The following NXPH1 variants were observed in gnomAD, a reference collection of about 807,000 sequenced individuals.
NXPH1 encodes the protein neurexophilin-1.
NXPH1 carries 5 observed loss-of-function variants against 23.7 expected under a neutral mutation model. The observed-to-expected ratio is 0.21, with a 90% confidence interval of 0.11 to 0.44. The LOEUF (loss-of-function observed/expected upper bound fraction) is 0.44. NXPH1 is among the 20% of genes least tolerant of loss of function. NXPH1 has a pLI of 0.99. For missense variants in NXPH1, 324 were observed against 321.6 expected (o/e 1.01, Z -0.06); for synonymous variants, 144 against 122.2 (o/e 1.18, Z -1.18).
At chr7:8,658,757 G>C (rs1820620745) in intron 2 of NXPH1, among the ~76,000 whole-genome samples, 1 of 151,754 alleles carries the variant, frequency 6.6e-6, no homozygotes, top group Non-Finnish European at 1.5e-5. Context: ...CACTCTAGTA[G>C]AAAAAAAGGT....
At chr7:8,552,401 C>A (rs1418394244) in intron 2 of NXPH1, among the ~76,000 whole-genome samples, 4 of 151,172 alleles carry the variant, frequency 2.6e-5, no homozygotes, top group Non-Finnish European at 5.9e-5. Flanking sequence ...AGAAAATAAT[C>A]AGTCAGCTTC....
intron 2 of NXPH1, among the ~76,000 whole-genome samples, chr7:8,708,252 T>A (rs2115194236): frequency 6.6e-6 from 1 of 152,296 alleles, no homozygotes; most frequent in East Asian, 1.9e-4. Context: ...GGAAGATATG[T>A]TTTTCCCCCT....
At chr7:8,685,996 C>T (rs567163903) in intron 2 of NXPH1, among the ~76,000 whole-genome samples, 2 of 152,162 alleles carry the variant, frequency 1.3e-5, no homozygotes, top group African/African-American at 2.4e-5. Context: ...GTTTATTCCA[C>T]GTTGCATGCG....
chr7:8,700,648 T>G (rs1779610991), intron 2 of NXPH1, among the ~76,000 whole-genome samples: 1 of 152,288 alleles, frequency 6.6e-6, no homozygotes, highest in Admixed American at 6.5e-5. Flanking sequence ...CCTTCTTAAA[T>G]AGTTTTCGTT....
chr7:8,630,928 C>G (rs1279717586), intron 2 of NXPH1, among the ~76,000 whole-genome samples: 2 of 152,124 alleles, frequency 1.3e-5, no homozygotes, highest in Non-Finnish European at 2.9e-5. Flanking sequence ...CCTCCTTTCA[C>G]CCTCCACCCT....
chr7:8,586,412 G>C (rs1250103329), intron 2 of NXPH1, among the ~76,000 whole-genome samples: 1 of 152,038 alleles, frequency 6.6e-6, no homozygotes, highest in East Asian at 1.9e-4. Flanking sequence ...ATATGAACCA[G>C]TGCCAAATTG....
intron 2 of NXPH1, among the ~76,000 whole-genome samples, chr7:8,509,424 T>C (rs925314496): frequency 6.6e-6 from 1 of 152,058 alleles, no homozygotes; most frequent in Non-Finnish European, 1.5e-5. Context: ...TCATAGAGAG[T>C]AACGACATAT....
intron 2 of NXPH1, among the ~76,000 whole-genome samples, chr7:8,514,044 A>G (rs769429286): frequency 6.6e-6 from 1 of 151,990 alleles, no homozygotes. Flanking sequence ...CTGTGTCCCA[A>G]TTGTTCCTTT....
intron 2 of NXPH1, among the ~76,000 whole-genome samples, chr7:8,563,451 A>G (rs541544596): frequency 5.9e-5 from 9 of 151,894 alleles, no homozygotes; most frequent in Non-Finnish European, 1.0e-4. Context: ...GGTGTATTCC[A>G]TTACAGAAAT....
chr7:8,642,719 T>G (rs973976659), intron 2 of NXPH1, among the ~76,000 whole-genome samples: 1 of 152,184 alleles, frequency 6.6e-6, no homozygotes, highest in African/African-American at 2.4e-5. Context: ...TTATTTTTCT[T>G]GTCTTATCTA....
intron 2 of NXPH1, among the ~76,000 whole-genome samples, chr7:8,466,761 C>G (rs1279447926): frequency 1.3e-5 from 2 of 152,150 alleles, no homozygotes; most frequent in Admixed American, 1.3e-4. Flanking sequence ...TCTAGTCTTT[C>G]GTTCCCTTGT....
chr7:8,499,944 G>A (rs1041901361), intron 2 of NXPH1, among the ~76,000 whole-genome samples: 23 of 152,048 alleles, frequency 1.5e-4, no homozygotes, highest in African/African-American at 5.3e-4. Flanking sequence ...AAGCATGTAC[G>A]GACAGAAAAA....
At chr7:8,581,764 T>C (rs1307910765) in intron 2 of NXPH1, among the ~76,000 whole-genome samples, 1 of 152,174 alleles carries the variant, frequency 6.6e-6, no homozygotes. Flanking sequence ...GGGGACAAAG[T>C]AGCGATATTC....
intron 2 of NXPH1, among the ~76,000 whole-genome samples, chr7:8,520,279 A>G (rs1817748475): frequency 6.6e-6 from 1 of 152,148 alleles, no homozygotes; most frequent in Non-Finnish European, 1.5e-5. Context: ...TCACTGTCTG[A>G]CTTTTTCAGA....
chr7:8,548,492 T>A lies in NXPH1; in HGVS notation c.54+112725T>A, dbSNP rs542399175. On this transcript the variant is annotated intron_variant, in intron 2 of 2. Coordinates refer to ENST00000405863, the MANE Select transcript of NXPH1 (RefSeq NM_152745.3). Reference sequence around the variant, plus strand: ...AACTTGTGAGTTCTTAATAAGCCTATAAAGTAGCTGTATAAATGCTGGGTA... The same window carrying A: ...AACTTGTGAGTTCTTAATAAGCCTAAAAAGTAGCTGTATAAATGCTGGGTA... Among the ~76,000 whole-genome samples the A allele has an allele frequency of 1.6e-4, 24 of 151,686 alleles. No individual in the cohort carries two copies. In the South Asian group the frequency reaches 3.5e-3, roughly 22 times the overall value.
At chr7:8,601,112 C>G (rs995493224) in intron 2 of NXPH1, among the ~76,000 whole-genome samples, 1 of 152,082 alleles carries the variant, frequency 6.6e-6, no homozygotes, top group African/African-American at 2.4e-5. Context: ...TTGGTATCCA[C>G]AGGAGGTCCT....
intron 2 of NXPH1, among the ~76,000 whole-genome samples, chr7:8,740,235 T>A (rs1562471336): frequency 6.6e-6 from 1 of 152,214 alleles, no homozygotes; most frequent in Non-Finnish European, 1.5e-5. Flanking sequence ...GCCTTATATT[T>A]GTAGCCCCTA....
At chr7:8,463,188 T>C (rs1816723488) in intron 2 of NXPH1, among the ~76,000 whole-genome samples, 1 of 152,212 alleles carries the variant, frequency 6.6e-6, no homozygotes, top group Non-Finnish European at 1.5e-5. Flanking sequence ...GTGAAATACA[T>C]ACTGCTCCTT....
intron 2 of NXPH1, among the ~76,000 whole-genome samples, chr7:8,673,343 C>T (rs184243622): frequency 5.3e-5 from 8 of 152,088 alleles, no homozygotes; most frequent in Non-Finnish European, 1.2e-4. Flanking sequence ...AGAAAAGTAT[C>T]AAGTTCTCAG....
Sources: allele counts gnomAD v4.1 joint callset (sites outside exome capture counted in the v4.1 genomes callset), GRCh38; gene constraint gnomAD v4.1.1; transcripts MANE v1.5; gene names NCBI Gene and HGNC (gene_info 2026-07-23, HGNC 2026-07-21).